SEPTIN2: variants seen among roughly 807,000 people sequenced by gnomAD.
The protein encoded by SEPTIN2 is septin-2.
SEPTIN2 carries 34 observed loss-of-function variants against 46.5 expected under a neutral mutation model. That is an observed-to-expected ratio of 0.73 (90% confidence interval 0.56 to 0.97). The LOEUF is 0.97. SEPTIN2 is among the 50% of genes least tolerant of loss of function. The pLI is 0.00. For missense variants in SEPTIN2, 347 were observed against 448.4 expected (o/e 0.77, Z 2.04); for synonymous variants, 175 against 153.4 (o/e 1.14, Z -1.04).
At chr2:241,328,251 A>G (rs1206640650) in intron 3 of SEPTIN2, among the ~76,000 whole-genome samples, 3 of 152,060 alleles carry the variant, frequency 2.0e-5, no homozygotes, top group Non-Finnish European at 4.4e-5. Context: ...CCTGGCCAAC[A>G]TGGCAAAACC....
At chr2:241,319,887 C>T (rs1479097346) in intron 1 of SEPTIN2, among the ~76,000 whole-genome samples, 1 of 152,254 alleles carries the variant, frequency 6.6e-6, no homozygotes, top group Non-Finnish European at 1.5e-5. Flanking sequence ...AGCCACCACA[C>T]TCTGCCAGCA....
chr2:241,323,541 A>AG, intron 1 of SEPTIN2, among the ~76,000 whole-genome samples: 1 of 152,188 alleles, frequency 6.6e-6, no homozygotes, highest in Admixed American at 6.5e-5. Flanking sequence ...TACAGGCGTG[A>AG]GCATCACGTC....
chr2:241,324,173 T>C lies in SEPTIN2; in HGVS notation c.-17-43T>C, dbSNP rs528355923. On this transcript the variant is annotated intron_variant, in intron 1 of 12. Coordinates refer to ENST00000391971, the MANE Select transcript of SEPTIN2 (RefSeq NM_004404.5). ...TATACGTGCGTATACATACATACTATGTATGTGCGTTTATGTGTGTCTGTG... is the reference window on the plus strand; with the variant it reads ...TATACGTGCGTATACATACATACTACGTATGTGCGTTTATGTGTGTCTGTG... 1,761 of 1,578,386 alleles carry C rather than the reference T, an allele frequency of 1.1e-3. 39 individuals are homozygous for C. The South Asian group carries it at 0.019, about 17-fold the overall frequency.
Position 241,336,079 on chromosome 2 carries a change from G to A in SEPTIN2, c.322G>A (p.Ala108Thr), listed in dbSNP as rs1336181796. 5 of 1,614,066 alleles carry A rather than the reference G, an allele frequency of 3.1e-6. No homozygotes were observed. Among genetic ancestry groups the A allele is most frequent in the African/African-American group, 1.3e-5 (1 of 74,918 alleles). Residue 108 changes from alanine to threonine, a missense_variant, in exon 5 of 13, where the codon GCT becomes ACT. Coordinates refer to ENST00000391971, the MANE Select transcript of SEPTIN2 (RefSeq NM_004404.5). ...TVVDTPGYGD[A>T]INCRDCFKTI... ...GGTAGATACCCCTGGCTATGGTGACGCTATCAACTGCAGAGATTGGTATGC... is the reference window on the plus strand; with the variant it reads ...GGTAGATACCCCTGGCTATGGTGACACTATCAACTGCAGAGATTGGTATGC...
At chr2:241,342,558 T>TTTGA (rs2081400017) in intron 7 of SEPTIN2, among the ~76,000 whole-genome samples, 1 of 131,700 alleles carries the variant, frequency 7.6e-6, no homozygotes, top group Non-Finnish European at 1.6e-5. Flanking sequence ...TTTTTTTTTT[T>TTTGA]GAGACGGAGT....
At chr2:241,338,692 ATATAT>A (rs991006258) in intron 7 of SEPTIN2, among the ~76,000 whole-genome samples, 11 of 118,084 alleles carry the variant, frequency 9.3e-5, no homozygotes, top group African/African-American at 1.6e-4. Context: ...CATATGTAAT[ATATAT>A]TATATTTATA....
Position 241,334,412 on chromosome 2 carries a change from A to G in SEPTIN2, c.131-714A>G, listed in dbSNP as rs75357367. Among the ~76,000 whole-genome samples the G allele has an allele frequency of 5.2e-3, 785 of 152,328 alleles. 4 individuals are homozygous for G. The highest frequency in any genetic ancestry group is 0.018 in the African/African-American group (749 of 41,550). ...GCATCTTTTTTGAAGTTAAATTTCAAATATTCAGAATATGTAGTCACAGTA... is the reference window on the plus strand; with the variant it reads ...GCATCTTTTTTGAAGTTAAATTTCAGATATTCAGAATATGTAGTCACAGTA... On this transcript the variant is annotated intron_variant, in intron 3 of 12. Coordinates refer to ENST00000391971, the MANE Select transcript of SEPTIN2 (RefSeq NM_004404.5).
chr2:241,324,252 A>G lies in SEPTIN2; in HGVS notation c.9+11A>G, dbSNP rs1172740267. On this transcript the variant is annotated intron_variant, in intron 2 of 12. Coordinates refer to ENST00000391971, the MANE Select transcript of SEPTIN2 (RefSeq NM_004404.5). Reference sequence around the variant, plus strand: ...CAAAAGATGTCTAAGGTAAGATCATACTTCATGTATCTACAGCATAAGGAG... The same window carrying G: ...CAAAAGATGTCTAAGGTAAGATCATGCTTCATGTATCTACAGCATAAGGAG... 1 of 1,608,136 alleles carries G rather than the reference A, an allele frequency of 6.2e-7. No homozygotes were observed. The highest frequency in any genetic ancestry group is 8.5e-7 in the Non-Finnish European group (1 of 1,177,182).
intron 1 of SEPTIN2, among the ~76,000 whole-genome samples, chr2:241,322,987 C>T (rs570028992): frequency 1.3e-5 from 2 of 150,946 alleles, no homozygotes; most frequent in East Asian, 3.9e-4. Context: ...GGAATATGTG[C>T]GTACATATAT....
At chr2:241,335,474 A>C in intron 4 of SEPTIN2, 1 of 856,690 alleles carries the variant, frequency 1.2e-6, no homozygotes, top group Admixed American at 2.2e-5. Context: ...CCTATATTAA[A>C]TATTTGATGG....
At position 241,350,189 on chromosome 2, in the gene SEPTIN2, A is replaced by G. The variant is rs773364655; in HGVS notation, c.*15A>G. The G allele has an allele frequency of 2.5e-6, 4 of 1,595,536 alleles. No homozygotes were observed. In the Admixed American group the frequency reaches 7.0e-5, roughly 28 times the overall value. On this transcript the variant is annotated 3_prime_UTR_variant, in exon 12 of 13. Coordinates refer to ENST00000391971, the MANE Select transcript of SEPTIN2 (RefSeq NM_004404.5). Reference sequence around the variant, plus strand: ...ACCACGTGTAAGGTGATGTGCACATATCAAGAAGTCAGAGGTAGGCCCTGT... The same window carrying G: ...ACCACGTGTAAGGTGATGTGCACATGTCAAGAAGTCAGAGGTAGGCCCTGT...
intron 3 of SEPTIN2, among the ~76,000 whole-genome samples, chr2:241,333,257 C>G (rs1384534160): frequency 3.3e-5 from 5 of 152,044 alleles, no homozygotes; most frequent in Admixed American, 1.3e-4. Flanking sequence ...CCTAACACAC[C>G]TAATTAGTAA....
chr2:241,339,850 A>C (rs1250651725), intron 7 of SEPTIN2, among the ~76,000 whole-genome samples: 1 of 152,084 alleles, frequency 6.6e-6, no homozygotes, highest in Non-Finnish European at 1.5e-5. Context: ...ACACTGCATA[A>C]AGTATTTCTC....
chr2:241,341,066 T>G (rs1032934869), intron 7 of SEPTIN2, among the ~76,000 whole-genome samples: 1 of 152,234 alleles, frequency 6.6e-6, no homozygotes, highest in Admixed American at 6.5e-5. Context: ...GAAACTTCCC[T>G]TCCTTGGCTG....
intron 3 of SEPTIN2, among the ~76,000 whole-genome samples, chr2:241,328,071 C>G (rs2078297181): frequency 6.6e-6 from 1 of 151,984 alleles, no homozygotes. Flanking sequence ...AAAAAAGTAG[C>G]CAGAACAAAG....
chr2:241,338,363 C>G, intron 7 of SEPTIN2, among the ~76,000 whole-genome samples: 1 of 151,910 alleles, frequency 6.6e-6, no homozygotes, highest in Middle Eastern at 3.4e-3. Context: ...TTAAGAAAGT[C>G]CAAATAGTTT....
intron 7 of SEPTIN2, among the ~76,000 whole-genome samples, chr2:241,340,260 G>C (rs2081078104): frequency 6.6e-6 from 1 of 152,146 alleles, no homozygotes; most frequent in African/African-American, 2.4e-5. Flanking sequence ...TATCTGTGCT[G>C]GTGTTGATGC....
chr2:241,338,603 A>G (rs141283512), intron 7 of SEPTIN2, among the ~76,000 whole-genome samples: 2 of 130,550 alleles, frequency 1.5e-5, no homozygotes, highest in African/African-American at 2.8e-5. Flanking sequence ...ATATATATAT[A>G]TTTTATATAT....
chr2:241,334,954 T>C (rs1575263319), intron 3 of SEPTIN2, among the ~76,000 whole-genome samples, 172 bp from the exon 4 acceptor site: 1 of 152,214 alleles, frequency 6.6e-6, no homozygotes, highest in South Asian at 2.1e-4. Context: ...AATTAGAGTT[T>C]CTTTGAGTAC....
Sources: gnomAD v4.1 joint callset for allele counts (sites outside exome capture counted in the v4.1 genomes callset) on GRCh38, gnomAD v4.1.1 for gene constraint, MANE v1.5 for transcripts, NCBI Gene and HGNC (gene_info 2026-07-23, HGNC 2026-07-21) for gene names.